Variants in ZBTB38 observed in about 807,000 individuals in gnomAD.
ZBTB38 encodes zinc finger and BTB domain containing 38, also known as zinc finger and BTB domain-containing protein 38.
ZBTB38 carries 20 observed loss-of-function variants against 76.8 expected under a neutral mutation model. The ratio of observed to expected loss-of-function variants is 0.26; its 90% confidence interval spans 0.18 to 0.38. The LOEUF is 0.38. ZBTB38 is among the 10% of genes least tolerant of loss of function. ZBTB38 has a pLI of 1.00. For synonymous variants in ZBTB38, 504 were observed against 544.2 expected, an observed-to-expected ratio of 0.93 and a Z score of 1.03; for missense variants, 1,082 against 1,482.3, an observed-to-expected ratio of 0.73 and a Z score of 4.43.
chr3:141,419,897 G>C (rs1439387540), intron 5 of ZBTB38, among the ~76,000 whole-genome samples: 1 of 152,206 alleles, frequency 6.6e-6, no homozygotes, highest in Non-Finnish European at 1.5e-5. Flanking sequence ...TGAGGCAGGA[G>C]AATCGCTTGA....
chr3:141,438,087 A>G (rs952764634), intron 5 of ZBTB38, among the ~76,000 whole-genome samples: 2 of 150,768 alleles, frequency 1.3e-5, no homozygotes, highest in African/African-American at 2.4e-5. Flanking sequence ...GATTGAACGC[A>G]TGTCTTTCTA....
intron 1 of ZBTB38, among the ~76,000 whole-genome samples, chr3:141,325,565 A>G (rs1942647897): frequency 6.6e-6 from 1 of 152,364 alleles, no homozygotes; most frequent in East Asian, 1.9e-4. Context: ...AAAAGTCACT[A>G]TATTTGTATA....
chr3:141,443,878 T>A lies in ZBTB38; in HGVS notation c.1490T>A (p.Phe497Tyr). ...TYPCHYCNKVFALAEYRTRHE... is the reference protein window; with the variant it reads ...TYPCHYCNKVYALAEYRTRHE... ...CCTTGCCATTACTGCAACAAAGTATTTGCATTGGCTGAGTACAGGACAAGG... is the reference window on the plus strand; with the variant it reads ...CCTTGCCATTACTGCAACAAAGTATATGCATTGGCTGAGTACAGGACAAGG... Residue 497 changes from phenylalanine to tyrosine, a missense_variant, in exon 6 of 6, where the codon TTT becomes TAT. This residue lies in a region of ZBTB38 where 60 missense variants were observed against 126.0 expected (regional missense o/e 0.48). Transcript: ENST00000321464. The surrounding 1 kb of genome is among the most constrained non-coding windows in gnomAD (Gnocchi z 5.6). The A allele has an allele frequency of 1.2e-6, 2 of 1,614,138 alleles. No individual in the cohort carries two copies. Among genetic ancestry groups the A allele is most frequent in the Non-Finnish European group, 1.7e-6 (2 of 1,180,040 alleles).
intron 5 of ZBTB38, among the ~76,000 whole-genome samples, chr3:141,434,645 G>A (rs2078338304): frequency 6.6e-6 from 1 of 152,064 alleles, no homozygotes; most frequent in Non-Finnish European, 1.5e-5. Flanking sequence ...CTGAAGCATA[G>A]CAGGAGACAA....
rs1943165885 is a variant in ZBTB38 at position 141,340,949 on chromosome 3, G to GAAAAGAAAAGAAAAGAAAAGAAAA, written c.-739+16493_-739+16494insAAAAGAAAAGAAAAGAAAAGAAAA. 1.3e-3 allele frequency among the ~76,000 whole-genome samples: 145 copies of GAAAAGAAAAGAAAAGAAAAGAAAA among 111,978 alleles called. 3 individuals carry two copies. Among genetic ancestry groups the GAAAAGAAAAGAAAAGAAAAGAAAA allele is most frequent in the Middle Eastern group, 7.8e-3 (2 of 258 alleles). The allele number at this position is 111,978 out of a possible 152,430, so 73.5% of individuals were successfully genotyped here. On this transcript the variant is annotated intron_variant, in intron 1 of 7. Transcript: ENST00000509842. ...GGAAAAAAGAAAAGAAAAGAAAGAA[G>GAAAAGAAAAGAAAAGAAAAGAAAA]GAAAGAAAGAAAGAAAGAAAGAAAG...
intron 2 of ZBTB38, among the ~76,000 whole-genome samples, chr3:141,377,944 G>A (rs72988337): frequency 2.0e-5 from 3 of 152,070 alleles, no homozygotes; most frequent in Non-Finnish European, 4.4e-5. Context: ...CCAGCACTTT[G>A]GGAGGCTGAG....
At chr3:141,433,524 G>T (rs2078071903) in intron 5 of ZBTB38, among the ~76,000 whole-genome samples, 1 of 151,890 alleles carries the variant, frequency 6.6e-6, no homozygotes. Flanking sequence ...TGCAGTTTTT[G>T]CCACTACTTT....
chr3:141,370,157 G>C (rs1944327749), intron 2 of ZBTB38, among the ~76,000 whole-genome samples: 1 of 152,196 alleles, frequency 6.6e-6, no homozygotes, highest in Non-Finnish European at 1.5e-5. Context: ...TTTATTTCTT[G>C]CTCATGTAAC....
At chr3:141,405,019 T>A (rs1480035057) in intron 5 of ZBTB38, among the ~76,000 whole-genome samples, 1 of 152,226 alleles carries the variant, frequency 6.6e-6, no homozygotes, top group Admixed American at 6.5e-5. Context: ...TTTTCTTTTT[T>A]CTCCACTTAA....
In ZBTB38 at chr3:141,448,139, TTTGAG is replaced by T. The variant is rs1164710559; in HGVS notation, c.*2166_*2170del. ...TTACTGTATATTCTAGTCATTTTGA[TTTGAG>T]TTAACCCCAAATATAAAATTACCTG... On this transcript the variant is annotated 3_prime_UTR_variant, in exon 6 of 6. Transcript: ENST00000321464. 2 of 152,754 alleles carry T rather than the reference TTTGAG, an allele frequency of 1.3e-5. No individual in the cohort carries two copies. Among genetic ancestry groups the T allele is most frequent in the Admixed American group, 6.5e-5 (1 of 15,298 alleles). 9.5% of individuals were successfully genotyped at this position (152,754 alleles called of 1,614,324 possible). A position where few individuals can be genotyped will look rare whatever the true frequency, so the allele number is the denominator to read the frequency against.
At chr3:141,334,719 T>C (rs574436433) in intron 1 of ZBTB38, among the ~76,000 whole-genome samples, 70 of 152,186 alleles carry the variant, frequency 4.6e-4, no homozygotes, top group African/African-American at 1.6e-3. Flanking sequence ...CCACATATCC[T>C]AGCCCCCTGC....
At chr3:141,363,520 G>A (rs1943876095), upstream of ZBTB38, among the ~76,000 whole-genome samples, 1 of 152,112 alleles carries the variant, frequency 6.6e-6, no homozygotes, top group African/African-American at 2.4e-5. Flanking sequence ...AATCAAAACA[G>A]TGTGGTACTG....
chr3:141,332,917 A>G (rs2148885108), intron 1 of ZBTB38, among the ~76,000 whole-genome samples: 1 of 152,354 alleles, frequency 6.6e-6, no homozygotes, highest in South Asian at 2.1e-4. Context: ...AACTCATCAG[A>G]AAAGGAAGGA....
At position 141,442,253 on chromosome 3, in the gene ZBTB38, G is replaced by A. The variant is rs16851433; in HGVS notation, c.1-136G>A. On this transcript the variant is annotated intron_variant, in intron 5 of 5. Coordinates refer to ENST00000321464, the MANE Select transcript of ZBTB38 (RefSeq NM_001376113.1). The surrounding 1 kb of genome is among the most constrained non-coding windows in gnomAD (Gnocchi z 6.4). ...CTTCTAATGTTGACTCTTGAGTCTC[G>A]GGAGCATCAACAGAATGAGATAAAA... 5.3e-4 allele frequency: 342 copies of A among 643,376 alleles called. No individual in the cohort carries two copies. The highest frequency in any genetic ancestry group is 4.9e-3 in the African/African-American group (268 of 54,950). The allele number at this position is 643,376 out of a possible 1,614,324, so 39.9% of individuals were successfully genotyped here.
intron 1 of ZBTB38, among the ~76,000 whole-genome samples, chr3:141,339,485 A>T (rs1943109013): frequency 6.6e-6 from 1 of 152,230 alleles, no homozygotes; most frequent in Non-Finnish European, 1.5e-5. Context: ...ATAAAAATCC[A>T]GGGAAGAGGT....
chr3:141,398,572 A>T (rs1201980620), intron 4 of ZBTB38, among the ~76,000 whole-genome samples: 1 of 152,318 alleles, frequency 6.6e-6, no homozygotes, highest in East Asian at 1.9e-4. Context: ...AGTAGAGGCT[A>T]GTTTAATGAA....
rs75964020 is a variant in ZBTB38, at chr3:141,333,038, T to C, written c.-739+8582T>C. On this transcript the variant is annotated intron_variant, in intron 1 of 7. Coordinates refer to the ZBTB38 transcript ENST00000509842. ...CAAGACCATCTAAATTCTAGAAGTT[T>C]GCATTTTGGGTCTCAAGAGGTCACA... Among the ~76,000 whole-genome samples the C allele has an allele frequency of 5.6e-3, 853 of 152,278 alleles. 7 individuals carry two copies. The highest frequency in any genetic ancestry group is 0.019 in the African/African-American group (810 of 41,550).
Position 141,408,708 on chromosome 3 carries a change from T to C in ZBTB38, c.-1+4677T>C, listed in dbSNP as rs1336774144. Among the ~76,000 whole-genome samples the C allele has an allele frequency of 2.0e-5, 3 of 152,272 alleles. No homozygotes were observed. In the East Asian group the frequency reaches 5.8e-4, roughly 29 times the overall value. On this transcript the variant is annotated intron_variant, in intron 5 of 5. Transcript: ENST00000321464. Reference sequence around the variant, plus strand: ...GACATGTATATGGAATTGCTCTTTATGTTCTCTATACATAGTTTAGAAATC... The same window carrying C: ...GACATGTATATGGAATTGCTCTTTACGTTCTCTATACATAGTTTAGAAATC...
At chr3:141,352,460 G>A (rs919033915) in intron 1 of ZBTB38, among the ~76,000 whole-genome samples, 4 of 152,042 alleles carry the variant, frequency 2.6e-5, no homozygotes, top group Non-Finnish European at 5.9e-5. Context: ...ACAGATGGAG[G>A]GAAGGTCAAT....
Sources: gnomAD v4.1 joint callset for allele counts (sites outside exome capture counted in the v4.1 genomes callset) on GRCh38, gnomAD v4.1.1 for gene constraint, gnomAD v4.1.1 regional missense constraint, Gnocchi (gnomAD v3.1) non-coding constraint, MANE v1.5 for transcripts, NCBI Gene and HGNC (gene_info 2026-07-23, HGNC 2026-07-21) for gene names.